Variants in MIGA1 observed in about 807,000 individuals in gnomAD.
The protein encoded by MIGA1 is mitoguardin 1.
A neutral mutation model predicts 82.0 loss-of-function variants in MIGA1; 58 were observed. The ratio of observed to expected loss-of-function variants is 0.71; its 90% CI spans 0.57 to 0.88. The LOEUF (loss-of-function observed/expected upper bound fraction) is 0.88. Ranked by LOEUF, MIGA1 falls within the 40% of genes least tolerant of loss-of-function variation. MIGA1 has a pLI of 0.00. For synonymous variants in MIGA1, 249 were observed against 253.6 expected, an observed-to-expected ratio of 0.98 and a Z score of 0.17; for missense variants, 751 against 749.1, an observed-to-expected ratio of 1.00 and a Z score of -0.03.
In MIGA1 at chr1:77,803,306, T is replaced by C. The variant is rs1189367244; in HGVS notation, c.410T>C (p.Leu137Ser). 24 of 1,544,726 alleles carry C rather than the reference T, an allele frequency of 1.6e-5. No individual in the cohort carries two copies. The highest frequency in any genetic ancestry group is 2.0e-5 in the Non-Finnish European group (23 of 1,145,314). ...TCCAGTAGCAGACAGAATTTGACATTATCTTTAAGTTCTACCAAAGACAAA... is the reference window on the plus strand; with the variant it reads ...TCCAGTAGCAGACAGAATTTGACATCATCTTTAAGTTCTACCAAAGACAAA... The change falls in exon 4 of 16, where the codon TTA becomes TCA. Residue 137 changes from leucine (L) to serine (S), a missense_variant. Physicochemically the swap from Leu to Ser is moderately radical, Grantham distance 145. Transcript: ENST00000370791.
intron 2 of MIGA1, among the ~76,000 whole-genome samples, chr1:77,795,615 G>A (rs1682620012): frequency 6.6e-6 from 1 of 151,166 alleles, no homozygotes; most frequent in Admixed American, 6.6e-5. Flanking sequence ...ACCATGCTGG[G>A]CCTGGTATAT....
chr1:77,823,045 G>A (rs555223869), intron 7 of MIGA1, among the ~76,000 whole-genome samples: 77 of 151,608 alleles, frequency 5.1e-4, no homozygotes, highest in Non-Finnish European at 7.4e-4. Flanking sequence ...GTTTCACCAC[G>A]TTGACCAGGC....
At chr1:77,855,132 C>G (rs1191436264) in intron 8 of MIGA1, among the ~76,000 whole-genome samples, 1 of 152,148 alleles carries the variant, frequency 6.6e-6, no homozygotes, top group Non-Finnish European at 1.5e-5. Flanking sequence ...ATTATCCCAG[C>G]AACATTTGTT....
chr1:77,841,072 T>C (rs1684610554), intron 7 of MIGA1, among the ~76,000 whole-genome samples: 1 of 152,178 alleles, frequency 6.6e-6, no homozygotes. Flanking sequence ...AAATACCAGT[T>C]TGATAGCTAT....
chr1:77,821,682 C>T lies in MIGA1; in HGVS notation c.895+6451C>T, dbSNP rs552066078. Among the ~76,000 whole-genome samples, 138 of 152,256 alleles carry T rather than the reference C, an allele frequency of 9.1e-4. 1 individual carries two copies. Among genetic ancestry groups the T allele is most frequent in the African/African-American group, 3.2e-3 (132 of 41,536 alleles). ...GTGCTGGGATTACAGTTGTGAGCCA[C>T]CGCGCCTGGCCAAATAGTTTTAGAT... is the stretch of plus-strand genomic sequence containing the variant. On this transcript the variant is annotated intron_variant, in intron 7 of 15. Transcript: ENST00000370791.
chr1:77,853,707 C>CA, intron 8 of MIGA1: 1 of 288,136 alleles, frequency 3.5e-6, no homozygotes, highest in South Asian at 4.1e-5. Context: ...AACAAACAAA[C>CA]AACACACACA....
intron 2 of MIGA1, among the ~76,000 whole-genome samples, chr1:77,790,528 A>G (rs1570920720): frequency 6.6e-6 from 1 of 151,294 alleles, no homozygotes. Context: ...GGCCTCCCAA[A>G]GTGCTGGGAT....
At chr1:77,825,048 G>A (rs949958700) in intron 7 of MIGA1, among the ~76,000 whole-genome samples, 3 of 147,220 alleles carry the variant, frequency 2.0e-5, no homozygotes, top group Admixed American at 7.2e-5. Flanking sequence ...GAGTGCAGTG[G>A]CATGATCTTG....
intron 7 of MIGA1, among the ~76,000 whole-genome samples, chr1:77,820,627 G>A (rs1292946407): frequency 6.6e-6 from 1 of 151,922 alleles, no homozygotes; most frequent in Non-Finnish European, 1.5e-5. Flanking sequence ...TGTTGTTGTT[G>A]TTCTTATTCT....
At chr1:77,869,687 T>C (rs71502782) in intron 14 of MIGA1, among the ~76,000 whole-genome samples, 73,234 of 84,794 alleles carry the variant, frequency 0.86, 31,423 homozygotes, top group Non-Finnish European at 0.89. Flanking sequence ...GGCGGCCGGC[T>C]GGGCGGGGGG....
Position 77,815,109 on chromosome 1 carries a change from ATAT to A in MIGA1, c.779_781del (p.Ile260del). 3 of 1,558,936 alleles carry A rather than the reference ATAT, an allele frequency of 1.9e-6. No individual in the cohort carries two copies. Among genetic ancestry groups the A allele is most frequent in the Non-Finnish European group, 2.6e-6 (3 of 1,148,222 alleles). On this transcript the variant is annotated inframe_deletion and splice_region_variant, in exon 7 of 16. Transcript: ENST00000370791. ...TGTGTACTTTTTCTCTCCTTGTAGG[ATAT>A]TATTAGTACTGAATTTATCCATAAA... is the stretch of plus-strand genomic sequence containing the variant.
intron 5 of MIGA1, 134 bp from the exon 6 acceptor site, chr1:77,813,600 A>G: frequency 1.1e-6 from 1 of 946,526 alleles, no homozygotes; most frequent in Non-Finnish European, 1.6e-6. Context: ...TCTGTCATGA[A>G]ATGATGTATG....
chr1:77,783,479 A>G (rs1570911187), intron 2 of MIGA1, 128 bp downstream of exon 2: 1 of 464,272 alleles, frequency 2.2e-6, no homozygotes, highest in South Asian at 9.5e-5. Flanking sequence ...ACAGTAGTTA[A>G]AAAACCTACT....
chr1:77,817,283 T>TG (rs977697448), intron 7 of MIGA1, among the ~76,000 whole-genome samples: 15 of 152,188 alleles, frequency 9.9e-5, no homozygotes, highest in Admixed American at 3.9e-4. Context: ...GCTTAGTTTT[T>TG]GGGGTCTTAG....
In MIGA1 at chr1:77,815,111, A is replaced by G; in HGVS notation, c.775A>G (p.Ile259Val). 4 of 1,562,236 alleles carry G rather than the reference A, an allele frequency of 2.6e-6. No individual in the cohort carries two copies. Among genetic ancestry groups the G allele is most frequent in the African/African-American group, 2.7e-5 (2 of 73,414 alleles). ...TGTACTTTTTCTCTCCTTGTAGGAT[A>G]TTATTAGTACTGAATTTATCCATAA... Residue 259 changes from isoleucine to valine, a missense_variant, in exon 7 of 16, where the codon ATT (isoleucine) becomes GTT (valine). Ile to Val is a conservative substitution (Grantham distance 29, BLOSUM62 3). Around this residue, in one of 3 missense-constraint regions of MIGA1, gnomAD observed 482 missense variants for 439.4 expected, o/e 1.10. Coordinates refer to ENST00000370791, the MANE Select transcript of MIGA1 (RefSeq NM_198549.4).
rs1031762079 is a variant in MIGA1, at chr1:77,876,567, A to G, written c.*1503A>G. ...TTGAAGACTGTCAACATCTGAAGGT[A>G]TGAAACTTGGTACAGTGAAATAATT... is the stretch of plus-strand genomic sequence containing the variant. On this transcript the variant is annotated 3_prime_UTR_variant, in exon 16 of 16. Transcript: ENST00000370791. 4 of 152,208 alleles carry G rather than the reference A, an allele frequency of 2.6e-5. No individual in the cohort carries two copies. Among genetic ancestry groups the G allele is most frequent in the African/African-American group, 9.6e-5 (4 of 41,464 alleles). 9.4% of individuals were successfully genotyped at this position (152,208 alleles called of 1,614,324 possible). A position where few individuals can be genotyped will look rare whatever the true frequency, so the allele number is the denominator to read the frequency against.
intron 8 of MIGA1, among the ~76,000 whole-genome samples, chr1:77,846,516 T>C (rs1684847664): frequency 6.6e-6 from 1 of 151,956 alleles, no homozygotes; most frequent in African/African-American, 2.4e-5. Context: ...TTTTTTTAAA[T>C]AGAGGTGGGG....
chr1:77,829,087 A>C (rs2101849897), intron 7 of MIGA1, among the ~76,000 whole-genome samples: 1 of 152,180 alleles, frequency 6.6e-6, no homozygotes, highest in East Asian at 1.9e-4. Flanking sequence ...TTTCCTTGGA[A>C]AGTGTTAAAG....
intron 7 of MIGA1, among the ~76,000 whole-genome samples, chr1:77,822,375 A>G (rs967245248): frequency 2.6e-5 from 4 of 152,134 alleles, no homozygotes; most frequent in Non-Finnish European, 5.9e-5. Context: ...GTAGTGAGCT[A>G]TGTTGGTACC....
Sources: allele counts gnomAD v4.1 joint callset (sites outside exome capture counted in the v4.1 genomes callset), GRCh38; gene constraint gnomAD v4.1.1; regional missense constraint gnomAD v4.1.1; transcripts MANE v1.5; gene names NCBI Gene and HGNC (gene_info 2026-07-23, HGNC 2026-07-21).